Variants in DCAF17 observed in about 807,000 individuals in gnomAD.
The protein encoded by DCAF17 is DDB1- and CUL4-associated factor 17.
Under a neutral mutation model 66.0 loss-of-function variants are expected in DCAF17, and 48 were observed. The ratio of observed to expected loss-of-function variants is 0.73; its 90% confidence interval spans 0.58 to 0.92. The LOEUF is 0.92. DCAF17 is among the 40% of genes least tolerant of loss of function. DCAF17 has a pLI of 0.00. For synonymous variants in DCAF17, 206 were observed against 214.6 expected, an observed-to-expected ratio of 0.96 and a Z score of 0.35; for missense variants, 562 against 622.8, an observed-to-expected ratio of 0.90 and a Z score of 1.04.
chr2:171,453,889 C>A (rs1048096900), intron 6 of DCAF17, among the ~76,000 whole-genome samples: 1 of 152,088 alleles, frequency 6.6e-6, no homozygotes, highest in African/African-American at 2.4e-5. Context: ...TATAAGCAAA[C>A]AAGTTGAATG....
intron 6 of DCAF17, among the ~76,000 whole-genome samples, chr2:171,456,126 C>G (rs1411612711): frequency 6.6e-6 from 1 of 151,994 alleles, no homozygotes; most frequent in African/African-American, 2.4e-5. Context: ...GGTTATCTTC[C>G]AGGGTTTTTA....
intron 8 of DCAF17, among the ~76,000 whole-genome samples, chr2:171,460,573 C>T (rs1268182960): frequency 1.3e-5 from 2 of 149,630 alleles, no homozygotes; most frequent in Non-Finnish European, 1.5e-5. Context: ...CTCTGTTGCC[C>T]AGAGTGGAGT....
chr2:171,458,599 C>T (rs1049093420), intron 8 of DCAF17, 122 bp downstream of exon 8: 1 of 762,630 alleles, frequency 1.3e-6, no homozygotes, highest in South Asian at 1.7e-5. Flanking sequence ...CATTTTACTC[C>T]TATACATCAT....
chr2:171,447,785 G>C (rs766852319), intron 3 of DCAF17, among the ~76,000 whole-genome samples: 5 of 152,364 alleles, frequency 3.3e-5, no homozygotes, highest in Middle Eastern at 3.4e-3. Context: ...TACAGGTGGG[G>C]ACCACGATGC....
chr2:171,439,511 C>CT (rs374646610), intron 2 of DCAF17, among the ~76,000 whole-genome samples: 2,392 of 94,758 alleles, frequency 0.025, 130 homozygotes, highest in African/African-American at 0.087. Flanking sequence ...CTTTTTTTTC[C>CT]TTTTTTTTTT....
chr2:171,474,759 T>C (rs1696419452), intron 10 of DCAF17, among the ~76,000 whole-genome samples: 1 of 152,222 alleles, frequency 6.6e-6, no homozygotes, highest in South Asian at 2.1e-4. Context: ...TCTCTTTCTC[T>C]CATACATACA....
intron 5 of DCAF17, among the ~76,000 whole-genome samples, chr2:171,451,733 G>C (rs768078861): frequency 1.3e-4 from 20 of 151,970 alleles, no homozygotes; most frequent in Non-Finnish European, 2.8e-4. Context: ...GCACCACCAG[G>C]CCCAGCTAAT....
intron 8 of DCAF17, among the ~76,000 whole-genome samples, chr2:171,467,112 C>T (rs1255831429): frequency 6.6e-6 from 1 of 151,650 alleles, no homozygotes; most frequent in Admixed American, 6.6e-5. Context: ...TTTTGTGAAC[C>T]ACTTTTTATG....
chr2:171,474,201 G>A, intron 10 of DCAF17: 1 of 542,870 alleles, frequency 1.8e-6, no homozygotes, highest in Non-Finnish European at 3.3e-6. Flanking sequence ...TGGATGATAT[G>A]CAAGTAAAAG....
intron 3 of DCAF17, 83 bp downstream of exon 3, chr2:171,443,696 A>G (rs1026272174): frequency 2.8e-6 from 3 of 1,083,418 alleles, no homozygotes; most frequent in Non-Finnish European, 4.2e-6. Flanking sequence ...TGCATAAAAT[A>G]ATACAACTTA....
At chr2:171,441,764 T>G (rs1472773715) in intron 2 of DCAF17, among the ~76,000 whole-genome samples, 1 of 152,212 alleles carries the variant, frequency 6.6e-6, no homozygotes, top group African/African-American at 2.4e-5. Flanking sequence ...TGAGCAGTAG[T>G]AGGTTTTCTT....
chr2:171,481,527 G>A lies in DCAF17; in HGVS notation c.*413G>A. On this transcript the variant is annotated 3_prime_UTR_variant, in exon 14 of 14. Coordinates refer to ENST00000375255, the MANE Select transcript of DCAF17 (RefSeq NM_025000.4). ...AGGGAGAGACAAAAGTAAACATGCA[G>A]AAAGAAATCTTATATCCTCTATACC... 1 of 454,874 alleles carries A rather than the reference G, an allele frequency of 2.2e-6. No individual in the cohort carries two copies. 28.2% of individuals were successfully genotyped at this position (454,874 alleles called of 1,614,324 possible).
intron 8 of DCAF17, among the ~76,000 whole-genome samples, chr2:171,466,880 CTCT>C (rs1383733291): frequency 6.6e-6 from 1 of 151,664 alleles, no homozygotes; most frequent in Non-Finnish European, 1.5e-5. Context: ...AATAATTTTT[CTCT>C]TCTTCATCCA....
intron 3 of DCAF17, among the ~76,000 whole-genome samples, chr2:171,445,994 A>T (rs1204549581): frequency 6.6e-6 from 1 of 152,138 alleles, no homozygotes; most frequent in African/African-American, 2.4e-5. Context: ...AAAACTTTTA[A>T]ATCTTCATGA....
intron 9 of DCAF17, among the ~76,000 whole-genome samples, chr2:171,471,637 A>C (rs1696248018): frequency 6.6e-6 from 1 of 152,192 alleles, no homozygotes; most frequent in Admixed American, 6.5e-5. Flanking sequence ...TATTAGATAT[A>C]ATTAGGATTC....
chr2:171,453,840 G>T (rs1343441091), intron 6 of DCAF17, among the ~76,000 whole-genome samples: 2 of 152,160 alleles, frequency 1.3e-5, no homozygotes, highest in Non-Finnish European at 2.9e-5. Flanking sequence ...AGCACCTGAA[G>T]TATTGTAGAG....
intron 4 of DCAF17, among the ~76,000 whole-genome samples, chr2:171,449,384 A>G (rs891898298): frequency 2.0e-5 from 3 of 152,222 alleles, no homozygotes; most frequent in African/African-American, 4.8e-5. Context: ...AATTCCCTGT[A>G]TTCTACAAAT....
chr2:171,461,566 T>G (rs1440319279), intron 8 of DCAF17, among the ~76,000 whole-genome samples: 1 of 152,234 alleles, frequency 6.6e-6, no homozygotes, highest in Admixed American at 6.5e-5. Flanking sequence ...TTTCTAATCT[T>G]ATAATGTATA....
In DCAF17 at chr2:171,483,734, A is replaced by G. The variant is rs1239557594; in HGVS notation, c.*2620A>G. 3 of 453,966 alleles carry G rather than the reference A, an allele frequency of 6.6e-6. No individual in the cohort carries two copies. The highest frequency in any genetic ancestry group is 4.4e-6 in the Non-Finnish European group (1 of 226,806). 28.1% of individuals were successfully genotyped at this position (453,966 alleles called of 1,614,324 possible). A position where few individuals can be genotyped will look rare whatever the true frequency, so the allele number is the denominator to read the frequency against. On this transcript the variant is annotated 3_prime_UTR_variant, in exon 14 of 14. Coordinates refer to ENST00000375255, the MANE Select transcript of DCAF17 (RefSeq NM_025000.4). ...TAAGTAAAGTGGGTTGTCTCATTTA[A>G]TATTCAGAATAACCACATGAAGTAT...
Sources: allele counts gnomAD v4.1 joint callset (sites outside exome capture counted in the v4.1 genomes callset), GRCh38; gene constraint gnomAD v4.1.1; transcripts MANE v1.5; gene names NCBI Gene and HGNC (gene_info 2026-07-23, HGNC 2026-07-21).